The following SETX variants were observed in gnomAD, a reference collection of about 807,000 sequenced individuals.
The protein encoded by SETX is senataxin.
In SETX, 90 loss-of-function variants were observed where a neutral mutation model predicts 227.2. The ratio of observed to expected loss-of-function variants is 0.40; its 90% CI spans 0.33 to 0.47. SETX has a LOEUF of 0.47. SETX is among the 20% of genes least tolerant of loss of function. The pLI is 0.91. For synonymous variants in SETX, 1,210 were observed against 1,113.2 expected, an observed-to-expected ratio of 1.09 and a Z score of -1.73; for missense variants, 3,052 against 3,181.5, an observed-to-expected ratio of 0.96 and a Z score of 0.98.
intron 11 of SETX, among the ~76,000 whole-genome samples, chr9:132,311,180 C>T (rs992094292): frequency 2.0e-5 from 3 of 152,054 alleles, no homozygotes; most frequent in African/African-American, 7.2e-5. Flanking sequence ...TTGGCCAGGA[C>T]GGTCTCGATC....
At chr9:132,293,579 G>A (rs555312925) in intron 15 of SETX, among the ~76,000 whole-genome samples, 9 of 152,150 alleles carry the variant, frequency 5.9e-5, no homozygotes, top group South Asian at 2.1e-4. Context: ...GTGCCACGAC[G>A]TGCAGCTAAT....
chr9:132,321,842 C>T (rs773690188), intron 10 of SETX, among the ~76,000 whole-genome samples: 2 of 151,532 alleles, frequency 1.3e-5, no homozygotes, highest in Non-Finnish European at 2.9e-5. Context: ...AGTGAGACTC[C>T]GTCTGAAGAA....
intron 11 of SETX, among the ~76,000 whole-genome samples, chr9:132,311,273 T>C (rs1188735637): frequency 6.6e-6 from 1 of 152,174 alleles, no homozygotes; most frequent in Non-Finnish European, 1.5e-5. Context: ...AGCCTCATTT[T>C]TTTTTAAGCA....
Position 132,328,495 on chromosome 9 carries a change from TAGTG to T in SETX, c.3099_3102del (p.Thr1034AsnfsTer28). On this transcript the variant is annotated frameshift_variant, in exon 10 of 26. Coordinates refer to ENST00000224140, the MANE Select transcript of SETX (RefSeq NM_015046.7). LOFTEE classifies it high-confidence loss of function. ...CTCTCAAGGCATATTTTGTCCTGTTTAGTGAGTTTCTCAAGACTCAGGATTCTTT... is the reference window on the plus strand; with the variant it reads ...CTCTCAAGGCATATTTTGTCCTGTTTAGTTTCTCAAGACTCAGGATTCTTT... The T allele has an allele frequency of 6.2e-7, 1 of 1,613,916 alleles. No homozygotes were observed. Among genetic ancestry groups the T allele is most frequent in the Non-Finnish European group, 8.5e-7 (1 of 1,179,994 alleles).
At chr9:132,309,794 G>T (rs2131347404) in intron 11 of SETX, among the ~76,000 whole-genome samples, 1 of 152,244 alleles carries the variant, frequency 6.6e-6, no homozygotes, top group South Asian at 2.1e-4. Context: ...TGTTCTAGAA[G>T]GTAAGAGAGA....
rs1843508110 is a variant in SETX, at chr9:132,281,545, A to T, written c.6576T>A (p.Leu2192=). 6.2e-7 allele frequency: 1 copy of T among 1,613,848 alleles called. No homozygotes were observed. Among genetic ancestry groups the T allele is most frequent in the African/African-American group, 1.3e-5 (1 of 74,928 alleles). ...TATTGCAGCGATGGATGAGTGGAGT[A>T]AGAGTCTCAATTTCACAAGACTGTC... ...EAGQSCEIET[L]TPLIHRCNKL... Residue 2192 remains leucine (L), a synonymous_variant, in exon 20 of 26, where the codon CTT becomes CTA. Coordinates refer to ENST00000224140, the MANE Select transcript of SETX (RefSeq NM_015046.7).
At chr9:132,345,137 A>T (rs1324729766) in intron 4 of SETX, among the ~76,000 whole-genome samples, 1 of 152,210 alleles carries the variant, frequency 6.6e-6, no homozygotes. Context: ...TGCTAGCGGC[A>T]TTTAGTAGAC....
intron 11 of SETX, among the ~76,000 whole-genome samples, chr9:132,301,820 T>A (rs1399668950): frequency 1.3e-5 from 2 of 152,074 alleles, no homozygotes; most frequent in African/African-American, 4.8e-5. Context: ...TTCAAACAAG[T>A]GGGGAAAGAC....
chr9:132,346,352 A>C lies in SETX; in HGVS notation c.297T>G (p.Phe99Leu). 3 of 1,613,980 alleles carry C rather than the reference A, an allele frequency of 1.9e-6. No homozygotes were observed. The highest frequency in any genetic ancestry group is 2.5e-6 in the Non-Finnish European group (3 of 1,179,870). The change falls in exon 4 of 26, where the codon TTT becomes TTG. Residue 99 changes from phenylalanine to leucine, a missense_variant. This residue lies in a region of SETX where 152 missense variants were observed against 156.2 expected (regional missense o/e 0.97). Coordinates refer to ENST00000224140, the MANE Select transcript of SETX (RefSeq NM_015046.7). Reference protein sequence around the residue: ...IVDNNGEMPLFDITGQDFENK... With the variant: ...IVDNNGEMPLLDITGQDFENK... ...TTTCAAAGTCTTGCCCAGTGATGTC[A>C]AACAGTGGCATCTCTCCATTATTGT...
intron 15 of SETX, among the ~76,000 whole-genome samples, chr9:132,295,293 A>G (rs1171707467): frequency 6.6e-6 from 1 of 152,202 alleles, no homozygotes; most frequent in Non-Finnish European, 1.5e-5. Flanking sequence ...AGTTCATGGG[A>G]TTATTTTGAG....
chr9:132,345,782 T>C (rs899071398), intron 4 of SETX, among the ~76,000 whole-genome samples: 6 of 152,168 alleles, frequency 3.9e-5, no homozygotes, highest in African/African-American at 1.2e-4. Flanking sequence ...TTTGGGAAGC[T>C]GAGGTGGGAG....
chr9:132,354,231 T>A (rs776335632), intron 1 of SETX, among the ~76,000 whole-genome samples: 25 of 151,874 alleles, frequency 1.6e-4, no homozygotes, highest in Non-Finnish European at 3.1e-4. Context: ...AGAAACAGAC[T>A]CTCCTCCAAA....
chr9:132,296,865 C>G, intron 14 of SETX, 22 bp downstream of exon 14: 1 of 1,612,090 alleles, frequency 6.2e-7, no homozygotes. Flanking sequence ...TTAACAGCAT[C>G]AGTGCCCTCA....
chr9:132,325,251 G>A (rs977088216), intron 10 of SETX, among the ~76,000 whole-genome samples: 1 of 152,160 alleles, frequency 6.6e-6, no homozygotes, highest in Non-Finnish European at 1.5e-5. Flanking sequence ...AGCTACTCGG[G>A]AGGCTGAGGC....
intron 21 of SETX, among the ~76,000 whole-genome samples, chr9:132,277,789 C>CAAAAAAAAAA (rs372125008): frequency 2.9e-5 from 2 of 68,118 alleles, no homozygotes; most frequent in East Asian, 5.1e-4. Flanking sequence ...ACCCTGTCTT[C>CAAAAAAAAAA]AAAAAAAAAA....
intron 23 of SETX, among the ~76,000 whole-genome samples, chr9:132,273,582 G>A (rs926865091): frequency 3.3e-5 from 5 of 152,140 alleles, no homozygotes; most frequent in Non-Finnish European, 5.9e-5. Flanking sequence ...TATTGTAAAT[G>A]GAATTGTTTC....
Position 132,283,385 on chromosome 9 carries a change from C to G in SETX, c.6425G>C (p.Ser2142Thr). The change falls in exon 19 of 26, where the codon AGT (serine) becomes ACT (threonine). Residue 2142 changes from serine to threonine, a missense_variant. Coordinates refer to ENST00000224140, the MANE Select transcript of SETX (RefSeq NM_015046.7). Reference protein sequence around the residue: ...EVQGRPQKTQSIIILESHIIC... With the variant: ...EVQGRPQKTQTIIILESHIIC... ...GATATGGGACTCTAAGATGATGATA[C>G]TCTGTGTTTTCTGTGGGCGTCCTTG... The G allele has an allele frequency of 1.2e-6, 2 of 1,614,190 alleles. No individual in the cohort carries two copies. Among genetic ancestry groups the G allele is most frequent in the South Asian group, 1.1e-5 (1 of 91,078 alleles).
In SETX at chr9:132,315,765, CTA is replaced by C. The variant is rs1210595940; in HGVS notation, c.5275-3911_5275-3910del. On this transcript the variant is annotated intron_variant, in intron 10 of 25. Coordinates refer to ENST00000224140, the MANE Select transcript of SETX (RefSeq NM_015046.7). ...TCTTCCTTACCCATCTCAGGTAGAG[CTA>C]ATCCAAATCTCCGGTTCGTGATGCA... is the stretch of plus-strand genomic sequence containing the variant. Among the ~76,000 whole-genome samples, 4 of 152,306 alleles carry C rather than the reference CTA, an allele frequency of 2.6e-5. No individual in the cohort carries two copies. In the South Asian group the frequency reaches 8.3e-4, roughly 32 times the overall value.
intron 15 of SETX, among the ~76,000 whole-genome samples, chr9:132,292,884 G>A (rs941000605): frequency 2.0e-5 from 3 of 152,032 alleles, no homozygotes; most frequent in East Asian, 1.9e-4. Context: ...TGATCTGCCC[G>A]CCTCTGCCTC....
Sources: gnomAD v4.1 joint callset for allele counts (sites outside exome capture counted in the v4.1 genomes callset) on GRCh38, gnomAD v4.1.1 for gene constraint, gnomAD v4.1.1 regional missense constraint, MANE v1.5 for transcripts, NCBI Gene and HGNC (gene_info 2026-07-23, HGNC 2026-07-21) for gene names.